The following RSPO2 variants were observed in gnomAD, a reference collection of about 807,000 sequenced individuals.
RSPO2 encodes R-spondin-2.
RSPO2 carries 14 observed loss-of-function variants against 30.9 expected under a neutral mutation model. That is an observed-to-expected ratio of 0.45 (90% CI 0.30 to 0.71). The LOEUF (loss-of-function observed/expected upper bound fraction) is 0.71, where lower values mean the gene tolerates loss of function less well. RSPO2 is among the 30% of genes least tolerant of loss of function. The pLI is 0.08. For missense variants in RSPO2, 264 were observed against 301.9 expected, an observed-to-expected ratio of 0.87 and a Z score of 0.93; for synonymous variants, 107 against 96.4, an observed-to-expected ratio of 1.11 and a Z score of -0.64.
intron 5 of RSPO2, among the ~76,000 whole-genome samples, chr8:107,951,043 G>GTTTTTT (rs767290459): frequency 0.076 from 6,468 of 85,186 alleles, 723 homozygotes; most frequent in African/African-American, 0.22. Context: ...GGGAGAATAA[G>GTTTTTT]TTTTTTTTTG....
intron 3 of RSPO2, among the ~76,000 whole-genome samples, chr8:107,980,970 A>T (rs759339798): frequency 5.8e-4 from 88 of 152,216 alleles, no homozygotes; most frequent in Admixed American, 8.5e-4. Flanking sequence ...TAATGGTCTA[A>T]GTATCCTCCA....
At chr8:107,993,672 A>C (rs368622416) in intron 2 of RSPO2, among the ~76,000 whole-genome samples, 15 of 152,254 alleles carry the variant, frequency 9.9e-5, no homozygotes, top group African/African-American at 3.6e-4. Flanking sequence ...TTGGTGGCTT[A>C]AACAACAGGA....
At chr8:107,979,362 T>C (rs2130495840) in intron 3 of RSPO2, among the ~76,000 whole-genome samples, 1 of 152,228 alleles carries the variant, frequency 6.6e-6, no homozygotes, top group East Asian at 1.9e-4. Context: ...TAAAAAAGGA[T>C]GAGTTCATGT....
intron 5 of RSPO2, among the ~76,000 whole-genome samples, chr8:107,913,018 T>G (rs1179825680): frequency 1.3e-5 from 2 of 152,228 alleles, no homozygotes; most frequent in Non-Finnish European, 2.9e-5. Flanking sequence ...GCACATATTT[T>G]CATGGTACAT....
intron 2 of RSPO2, among the ~76,000 whole-genome samples, chr8:108,033,460 C>T (rs1811494163): frequency 6.6e-6 from 1 of 152,168 alleles, no homozygotes; most frequent in South Asian, 2.1e-4. Flanking sequence ...TGTGTTCATC[C>T]CTCCGTGTAA....
intron 2 of RSPO2, among the ~76,000 whole-genome samples, chr8:108,020,579 T>A (rs1415812649): frequency 6.6e-6 from 1 of 152,090 alleles, no homozygotes; most frequent in African/African-American, 2.4e-5. Flanking sequence ...AATGTTCTTA[T>A]TTTTTTAGTT....
At chr8:108,016,030 G>T (rs894122826) in intron 2 of RSPO2, among the ~76,000 whole-genome samples, 34 of 152,286 alleles carry the variant, frequency 2.2e-4, no homozygotes, top group African/African-American at 8.2e-4. Flanking sequence ...AGAAGAATGG[G>T]GAGGAAATTA....
chr8:107,952,128 C>T (rs1813269470), intron 5 of RSPO2, among the ~76,000 whole-genome samples: 1 of 152,114 alleles, frequency 6.6e-6, no homozygotes, highest in Admixed American at 6.6e-5. Flanking sequence ...GTTCAGACCC[C>T]TGACGCAGGA....
At chr8:108,057,884 A>G (rs573963840) in intron 2 of RSPO2, among the ~76,000 whole-genome samples, 1 of 152,274 alleles carries the variant, frequency 6.6e-6, no homozygotes, top group Admixed American at 6.5e-5. Context: ...GACTGAGACA[A>G]TGGGGTTTTC....
intron 5 of RSPO2, among the ~76,000 whole-genome samples, chr8:107,909,176 T>C (rs574775952): frequency 4.0e-5 from 6 of 151,830 alleles, no homozygotes; most frequent in Non-Finnish European, 7.4e-5. Flanking sequence ...GAGTGACCCC[T>C]ACCCATGCTT....
intron 5 of RSPO2, among the ~76,000 whole-genome samples, chr8:107,914,584 GTCTT>G (rs1300085397): frequency 6.6e-6 from 1 of 151,918 alleles, no homozygotes; most frequent in Non-Finnish European, 1.5e-5. Flanking sequence ...TTATAATAAT[GTCTT>G]TATGTATTAG....
At chr8:108,074,389 T>A (rs7008700) in intron 2 of RSPO2, among the ~76,000 whole-genome samples, 1 of 152,054 alleles carries the variant, frequency 6.6e-6, no homozygotes, top group Non-Finnish European at 1.5e-5. Context: ...TAGACACCCA[T>A]ACACACATAC....
At chr8:107,902,601 A>G (rs1009288962) in intron 5 of RSPO2, among the ~76,000 whole-genome samples, 1 of 152,078 alleles carries the variant, frequency 6.6e-6, no homozygotes, top group Non-Finnish European at 1.5e-5. Flanking sequence ...GAAGGCCATG[A>G]GATTTCTAAA....
intron 2 of RSPO2, among the ~76,000 whole-genome samples, chr8:108,012,022 G>A (rs576267392): frequency 1.3e-5 from 2 of 152,302 alleles, no homozygotes; most frequent in Non-Finnish European, 2.9e-5. Flanking sequence ...ATAAGAAAAA[G>A]AGAAAGAGCT....
At position 108,082,819 on chromosome 8, in the gene RSPO2, G is replaced by A. The variant is rs2130744354; in HGVS notation, c.-169-12C>T. The A allele has an allele frequency of 1.7e-6, 1 of 577,422 alleles. No homozygotes were observed. Among genetic ancestry groups the A allele is most frequent in the Non-Finnish European group, 3.1e-6 (1 of 325,328 alleles). 35.8% of individuals were successfully genotyped at this position (577,422 alleles called of 1,614,324 possible). On this transcript the variant is annotated splice_polypyrimidine_tract_variant and intron_variant, in intron 1 of 5. Transcript: ENST00000276659. ...TCTCCGCCACGAACCTGAGAGACAA[G>A]AAGCGAAAACAGGGTGTGTGGGGGA...
In RSPO2 at chr8:108,010,911, CAAGTGTAGA is replaced by C. The variant is rs534875296; in HGVS notation, c.95-21676_95-21668del. Among the ~76,000 whole-genome samples, 249 of 151,932 alleles carry C rather than the reference CAAGTGTAGA, an allele frequency of 1.6e-3. 4 individuals carry two copies. The highest frequency in any genetic ancestry group is 2.8e-4 in the Non-Finnish European group (19 of 67,920). On this transcript the variant is annotated intron_variant, in intron 2 of 5. Coordinates refer to ENST00000276659, the MANE Select transcript of RSPO2 (RefSeq NM_178565.5). The stretch of plus-strand genomic sequence containing the variant: ...AGAAAGACCAAGATAGAAACTAATT[CAAGTGTAGA>C]ATGTAAAGTGCCAGCCTGAGCAATA...
At chr8:107,918,399 C>G (rs1638499563) in intron 5 of RSPO2, among the ~76,000 whole-genome samples, 1 of 151,950 alleles carries the variant, frequency 6.6e-6, no homozygotes, top group African/African-American at 2.4e-5. Context: ...GTTATTTTAC[C>G]AAGGCTTTGA....
At chr8:107,938,843 A>G (rs1168016873) in intron 5 of RSPO2, among the ~76,000 whole-genome samples, 7 of 152,190 alleles carry the variant, frequency 4.6e-5, no homozygotes, top group African/African-American at 1.7e-4. Context: ...AATTAAAATG[A>G]AAACCTTCCA....
intron 2 of RSPO2, among the ~76,000 whole-genome samples, chr8:107,996,689 G>A (rs1440545224): frequency 6.6e-6 from 1 of 152,070 alleles, no homozygotes; most frequent in Non-Finnish European, 1.5e-5. Flanking sequence ...ACAGTAAGAA[G>A]TATAGAGAAA....
Sources: allele counts gnomAD v4.1 joint callset (sites outside exome capture counted in the v4.1 genomes callset), GRCh38; gene constraint gnomAD v4.1.1; transcripts MANE v1.5; gene names NCBI Gene and HGNC (gene_info 2026-07-23, HGNC 2026-07-21).